SBSPON: variants seen among roughly 807,000 people sequenced by gnomAD.
SBSPON encodes somatomedin-B and thrombospondin type-1 domain-containing protein.
A neutral mutation model predicts 35.8 loss-of-function variants in SBSPON; 30 were observed. The observed-to-expected ratio is 0.84, with a 90% CI of 0.63 to 1.14. The LOEUF (loss-of-function observed/expected upper bound fraction) is 1.14. SBSPON is among the 50% of genes most tolerant of loss of function. The probability of loss-of-function intolerance (pLI) is 0.00; values close to 1 mark genes in which losing one functional copy is unlikely to be tolerated. For synonymous variants in SBSPON, 136 were observed against 135.9 expected (o/e 1.00, Z 0.00); for missense variants, 364 against 357.7 (o/e 1.02, Z -0.14).
intron 4 of SBSPON, among the ~76,000 whole-genome samples, chr8:73,068,682 A>G (rs761686031): frequency 6.6e-6 from 1 of 152,112 alleles, no homozygotes; most frequent in South Asian, 2.1e-4. Context: ...CGCAGAGGTG[A>G]CCCCACCACT....
chr8:73,066,445 A>G lies in SBSPON; in HGVS notation c.*896T>C, dbSNP rs536086627. ...ACCTGTAATGACGTCTATGCCTTCC[A>G]TAACCGACACACCATCCACCCCAAA... is the stretch of plus-strand genomic sequence containing the variant. On this transcript the variant is annotated 3_prime_UTR_variant, in exon 5 of 5. Coordinates refer to ENST00000297354, the MANE Select transcript of SBSPON (RefSeq NM_153225.4). The G allele has an allele frequency of 4.4e-4, 67 of 152,334 alleles. No homozygotes were observed. The highest frequency in any genetic ancestry group is 1.4e-3 in the African/African-American group (59 of 41,582). 9.4% of individuals were successfully genotyped at this position (152,334 alleles called of 1,614,324 possible). A position where few individuals can be genotyped will look rare whatever the true frequency, so the allele number is the denominator to read the frequency against.
rs1383640931 is a variant in SBSPON at position 73,069,984 on chromosome 8, A to G, written c.501-3T>C. ...CTGTCTTAAACTCCATACAGTATCTACAGCAAAAGAAGTAACAATGACACT... is the reference window on the plus strand; with the variant it reads ...CTGTCTTAAACTCCATACAGTATCTGCAGCAAAAGAAGTAACAATGACACT... On this transcript the variant is annotated splice_polypyrimidine_tract_variant and splice_region_variant and intron_variant, in intron 3 of 4. Coordinates refer to ENST00000297354, the MANE Select transcript of SBSPON (RefSeq NM_153225.4). 4 of 1,545,474 alleles carry G rather than the reference A, an allele frequency of 2.6e-6. No individual in the cohort carries two copies. The African/African-American group carries it at 5.5e-5, about 21-fold the overall frequency.
intron 4 of SBSPON, 38 bp downstream of exon 4, chr8:73,069,763 ATGAG>A (rs1232390232): frequency 6.5e-7 from 1 of 1,528,430 alleles, no homozygotes; most frequent in African/African-American, 1.4e-5. Flanking sequence ...ATTTCTCAGA[ATGAG>A]TGACAAGAAA....
chr8:73,077,266 T>C (rs1202269832), intron 2 of SBSPON, among the ~76,000 whole-genome samples: 3 of 152,202 alleles, frequency 2.0e-5, no homozygotes, highest in Non-Finnish European at 4.4e-5. Context: ...CCGTAGAAAA[T>C]GAATACACTC....
intron 2 of SBSPON, among the ~76,000 whole-genome samples, chr8:73,077,821 A>T (rs1224377646): frequency 6.6e-6 from 1 of 152,098 alleles, no homozygotes; most frequent in Non-Finnish European, 1.5e-5. Flanking sequence ...AGAAAAGGGG[A>T]TCATATGATC....
intron 1 of SBSPON, among the ~76,000 whole-genome samples, chr8:73,090,088 G>C (rs1317412680): frequency 6.6e-6 from 1 of 152,208 alleles, no homozygotes; most frequent in Non-Finnish European, 1.5e-5. Context: ...ATGTTGGCCA[G>C]GCTGGTCTCA....
intron 1 of SBSPON, chr8:73,083,886 C>T (rs1237904705): frequency 2.0e-5 from 3 of 152,188 alleles, no homozygotes; most frequent in Admixed American, 2.0e-4. Flanking sequence ...CCAGGAAGCT[C>T]AGTAAGCTTG....
At chr8:73,070,446 T>C (rs1225284546) in intron 3 of SBSPON, among the ~76,000 whole-genome samples, 8 of 152,212 alleles carry the variant, frequency 5.3e-5, no homozygotes, top group Non-Finnish European at 1.2e-4. Flanking sequence ...CCTCTGCTGT[T>C]CTGCTCCACG....
At chr8:73,090,697 T>C (rs1810915926) in intron 1 of SBSPON, among the ~76,000 whole-genome samples, 1 of 152,230 alleles carries the variant, frequency 6.6e-6, no homozygotes, top group Admixed American at 6.5e-5. Context: ...GCCTGCAAGG[T>C]CCTCTGTTGA....
At chr8:73,087,038 T>G (rs1197361443) in intron 1 of SBSPON, among the ~76,000 whole-genome samples, 1 of 152,118 alleles carries the variant, frequency 6.6e-6, no homozygotes, top group Non-Finnish European at 1.5e-5. Context: ...TGATAGCCAT[T>G]GGAGTTTATG....
chr8:73,091,847 G>C (rs1317044695), intron 1 of SBSPON, among the ~76,000 whole-genome samples: 2 of 152,216 alleles, frequency 1.3e-5, no homozygotes, highest in Non-Finnish European at 2.9e-5. Context: ...ACAGAGGCAG[G>C]AGGGTGCTCC....
In SBSPON at chr8:73,066,196, T is replaced by G. The variant is rs1383345511; in HGVS notation, c.*1145A>C. On this transcript the variant is annotated 3_prime_UTR_variant, in exon 5 of 5. Transcript: ENST00000297354. Reference sequence around the variant, plus strand: ...AAACTAAATATCTTGAATTTAAAATTTACTTCACAAATGAAAGGGGCTTAG... The same window carrying G: ...AAACTAAATATCTTGAATTTAAAATGTACTTCACAAATGAAAGGGGCTTAG... 1 of 152,182 alleles carries G rather than the reference T, an allele frequency of 6.6e-6. No individual in the cohort carries two copies. The highest frequency in any genetic ancestry group is 2.4e-5 in the African/African-American group (1 of 41,444). 9.4% of individuals were successfully genotyped at this position (152,182 alleles called of 1,614,324 possible). A position where few individuals can be genotyped will look rare whatever the true frequency, so the allele number is the denominator to read the frequency against.
intron 4 of SBSPON, among the ~76,000 whole-genome samples, chr8:73,068,229 C>CAA (rs1810429971): frequency 6.6e-6 from 1 of 152,034 alleles, no homozygotes; most frequent in Non-Finnish European, 1.5e-5. Flanking sequence ...CATTTAAAAC[C>CAA]AAAACATGGA....
chr8:73,068,002 G>A (rs1165596831), intron 4 of SBSPON, among the ~76,000 whole-genome samples: 1 of 152,046 alleles, frequency 6.6e-6, no homozygotes, highest in Non-Finnish European at 1.5e-5. Context: ...CACAAGTGCT[G>A]CATAAAGGAA....
intron 1 of SBSPON, among the ~76,000 whole-genome samples, chr8:73,087,036 A>G (rs981619715): frequency 6.6e-6 from 1 of 152,188 alleles, no homozygotes; most frequent in Non-Finnish European, 1.5e-5. Context: ...CATGATAGCC[A>G]TTGGAGTTTA....
rs9650245 is a variant in SBSPON, at chr8:73,087,424, T to C, written c.214+5430A>G. ...CGCCTGGTATGGAGGAAATGTGAAG[T>C]GTTAACAACTTGACCCTCCTTCACT... On this transcript the variant is annotated intron_variant, in intron 1 of 4. Transcript: ENST00000297354. 2.6e-5 allele frequency among the ~76,000 whole-genome samples: 4 copies of C among 152,210 alleles called. No individual in the cohort carries two copies. The East Asian group carries it at 7.7e-4, about 29-fold the overall frequency.
chr8:73,067,070 G>A lies in SBSPON; in HGVS notation c.*271C>T, dbSNP rs1015864943. On this transcript the variant is annotated 3_prime_UTR_variant, in exon 5 of 5. Transcript: ENST00000297354. ...AACAGACATGTATTCTGTGTCTCACGGGCCACCTGCTGAATGAGAGGACTC... is the reference window on the plus strand; with the variant it reads ...AACAGACATGTATTCTGTGTCTCACAGGCCACCTGCTGAATGAGAGGACTC... 4 of 287,350 alleles carry A rather than the reference G, an allele frequency of 1.4e-5. No homozygotes were observed. The highest frequency in any genetic ancestry group is 2.1e-5 in the African/African-American group (1 of 46,580). The allele number at this position is 287,350 out of a possible 1,614,324, so 17.8% of individuals were successfully genotyped here.
At chr8:73,076,693 G>A (rs1160341001) in intron 2 of SBSPON, among the ~76,000 whole-genome samples, 13 of 151,784 alleles carry the variant, frequency 8.6e-5, no homozygotes, top group Non-Finnish European at 5.9e-5. Context: ...GAAAGGCACC[G>A]AGAAATGCAT....
At chr8:73,087,289 A>G (rs1359972224) in intron 1 of SBSPON, among the ~76,000 whole-genome samples, 1 of 152,192 alleles carries the variant, frequency 6.6e-6, no homozygotes, top group Non-Finnish European at 1.5e-5. Context: ...AAGTTACCCA[A>G]CCTGTCTGTG....
Sources: gnomAD v4.1 joint callset for allele counts (sites outside exome capture counted in the v4.1 genomes callset) on GRCh38, gnomAD v4.1.1 for gene constraint, MANE v1.5 for transcripts, NCBI Gene and HGNC (gene_info 2026-07-23, HGNC 2026-07-21) for gene names.